Variants in CHCHD3 observed in about 807,000 individuals in gnomAD.
CHCHD3 encodes the protein MICOS complex subunit MIC19.
In CHCHD3, 20 loss-of-function variants were observed where a neutral mutation model predicts 38.2. That is an observed-to-expected ratio of 0.52 (90% CI 0.37 to 0.76). The LOEUF (loss-of-function observed/expected upper bound fraction) is 0.76, where lower values mean the gene tolerates loss of function less well. Among genes scored for constraint, CHCHD3 ranks in the 30% least tolerant of loss-of-function variants. CHCHD3 has a pLI of 0.00. For missense variants in CHCHD3, 245 were observed against 279.2 expected (o/e 0.88, Z 0.87); for synonymous variants, 82 against 100.0 (o/e 0.82, Z 1.07).
rs1405100386 is a variant in CHCHD3, at chr7:132,985,442, G to A, written c.252-10156C>T. On this transcript the variant is annotated intron_variant, in intron 3 of 7. Transcript: ENST00000262570. ...AGGTGAGGGGCGCCTCTGCCCGGCC[G>A]CCCCTACTGGGAAGAGAGGAGCCCC... 1.3e-4 allele frequency among the ~76,000 whole-genome samples: 8 copies of A among 62,198 alleles called. 1 individual carries two copies. Among genetic ancestry groups the A allele is most frequent in the Admixed American group, 1.7e-4 (1 of 5,894 alleles). The allele number at this position is 62,198 out of a possible 152,430, so 40.8% of individuals were successfully genotyped here. A position where few individuals can be genotyped will look rare whatever the true frequency, so the allele number is the denominator to read the frequency against.
At chr7:133,054,560 A>G (rs1376867852) in intron 2 of CHCHD3, among the ~76,000 whole-genome samples, 1 of 152,240 alleles carries the variant, frequency 6.6e-6, no homozygotes, top group Non-Finnish European at 1.5e-5. Flanking sequence ...AAAGTATTTC[A>G]AAAGCTTTAT....
chr7:132,840,246 C>A (rs1453438326), intron 5 of CHCHD3, among the ~76,000 whole-genome samples: 3 of 152,154 alleles, frequency 2.0e-5, no homozygotes, highest in Non-Finnish European at 4.4e-5. Context: ...TGGTGTAATC[C>A]TTCCTTTGAA....
chr7:132,812,983 C>T (rs535897295), intron 6 of CHCHD3, among the ~76,000 whole-genome samples: 1 of 141,222 alleles, frequency 7.1e-6, no homozygotes, highest in Admixed American at 7.3e-5. Flanking sequence ...GCCTCACAGT[C>T]GATTCCCATG....
intron 5 of CHCHD3, among the ~76,000 whole-genome samples, chr7:132,840,128 T>C (rs1807902815): frequency 6.6e-6 from 1 of 152,196 alleles, no homozygotes; most frequent in Non-Finnish European, 1.5e-5. Context: ...CCATTTGTCA[T>C]CTCAGATACT....
chr7:132,865,732 G>A (rs566084817), intron 5 of CHCHD3, among the ~76,000 whole-genome samples: 100 of 152,270 alleles, frequency 6.6e-4, no homozygotes, highest in Non-Finnish European at 1.3e-3. Flanking sequence ...ACGAGCAAAG[G>A]CAGCCCCCGA....
intron 4 of CHCHD3, among the ~76,000 whole-genome samples, chr7:132,915,238 G>A (rs535722545): frequency 8.5e-5 from 13 of 152,134 alleles, no homozygotes; most frequent in African/African-American, 2.7e-4. Flanking sequence ...CAAGGATTTC[G>A]AGCTATGGTA....
intron 3 of CHCHD3, among the ~76,000 whole-genome samples, chr7:133,012,817 G>C (rs1240420195): frequency 8.2e-6 from 1 of 121,710 alleles, no homozygotes; most frequent in African/African-American, 3.1e-5. Flanking sequence ...GAAGAGAGGG[G>C]AGGGGAAGGG....
At chr7:132,819,640 C>T (rs929873063) in intron 6 of CHCHD3, among the ~76,000 whole-genome samples, 21 of 152,272 alleles carry the variant, frequency 1.4e-4, no homozygotes, top group African/African-American at 4.3e-4. Flanking sequence ...AACACTGATG[C>T]CACTTACATT....
intron 7 of CHCHD3, among the ~76,000 whole-genome samples, chr7:132,792,990 A>T (rs980192580): frequency 3.9e-5 from 6 of 152,218 alleles, no homozygotes; most frequent in Non-Finnish European, 7.3e-5. Context: ...ATGGTCCCAG[A>T]CGTAATGCAG....
rs573576374 is a variant in CHCHD3, at chr7:132,843,545, A to G, written c.454-5076T>C. 4.6e-5 allele frequency among the ~76,000 whole-genome samples: 7 copies of G among 152,316 alleles called. No homozygotes were observed. In the South Asian group the frequency reaches 8.3e-4, roughly 18 times the overall value. On this transcript the variant is annotated intron_variant, in intron 5 of 7. Transcript: ENST00000262570. ...GTACTCCAAATTAGTGATTCTGCCA[A>G]TGTTGTTGGCAGATCACTGGTGGAC... is the stretch of plus-strand genomic sequence containing the variant.
chr7:133,053,351 T>C (rs951345526), intron 2 of CHCHD3, among the ~76,000 whole-genome samples: 1 of 152,152 alleles, frequency 6.6e-6, no homozygotes. Context: ...TGGGGACTAT[T>C]TGCAACACTC....
intron 5 of CHCHD3, among the ~76,000 whole-genome samples, chr7:132,883,331 A>G (rs1809119755): frequency 2.0e-5 from 3 of 152,188 alleles, no homozygotes; most frequent in Non-Finnish European, 4.4e-5. Flanking sequence ...TCATTTAACA[A>G]GTGAGGTAAG....
chr7:133,014,671 T>TAA (rs34497795), intron 3 of CHCHD3, among the ~76,000 whole-genome samples: 3,726 of 147,488 alleles, frequency 0.025, 72 homozygotes, highest in Non-Finnish European at 0.035. Context: ...TCTTCCATTT[T>TAA]AAAAAAAAAA....
At chr7:132,994,210 G>A (rs1359858003) in intron 3 of CHCHD3, among the ~76,000 whole-genome samples, 2 of 152,098 alleles carry the variant, frequency 1.3e-5, no homozygotes, top group Non-Finnish European at 2.9e-5. Flanking sequence ...TATATATGTA[G>A]GATGAAAACT....
chr7:132,957,109 C>T (rs1811194066), intron 4 of CHCHD3, among the ~76,000 whole-genome samples: 2 of 152,202 alleles, frequency 1.3e-5, no homozygotes, highest in African/African-American at 4.8e-5. Context: ...AAAACCACCA[C>T]AAAGACTGAA....
intron 2 of CHCHD3, among the ~76,000 whole-genome samples, chr7:133,042,403 A>G (rs996472380): frequency 6.6e-6 from 1 of 152,200 alleles, no homozygotes. Flanking sequence ...ATTCTGAGAC[A>G]GTCTTTTATT....
chr7:133,081,835 C>T (rs1307721942), intron 1 of CHCHD3, 22 bp downstream of exon 1: 2 of 1,551,350 alleles, frequency 1.3e-6, no homozygotes, highest in South Asian at 2.4e-5. Flanking sequence ...CACTGGCCCT[C>T]CGCCCGTCCA....
chr7:132,885,957 C>T (rs1809197405), intron 4 of CHCHD3, among the ~76,000 whole-genome samples: 1 of 152,088 alleles, frequency 6.6e-6, no homozygotes, highest in Admixed American at 6.5e-5. Context: ...GCTGTAACAG[C>T]TGTGTCCTAT....
chr7:133,002,629 A>G (rs74562994), intron 3 of CHCHD3, among the ~76,000 whole-genome samples: 2,848 of 152,170 alleles, frequency 0.019, 103 homozygotes, highest in African/African-American at 0.064. Flanking sequence ...AGACAATTTG[A>G]GGCTACAACA....
Sources: gnomAD v4.1 joint callset for allele counts (sites outside exome capture counted in the v4.1 genomes callset) on GRCh38, gnomAD v4.1.1 for gene constraint, MANE v1.5 for transcripts, NCBI Gene and HGNC (gene_info 2026-07-23, HGNC 2026-07-21) for gene names.